PLCL2: variants seen among roughly 807,000 people sequenced by gnomAD.
The protein encoded by PLCL2 is inactive phospholipase C-like protein 2.
A neutral mutation model predicts 79.6 loss-of-function variants in PLCL2; 4 were observed. The observed-to-expected ratio is 0.05, with a 90% confidence interval of 0.02 to 0.11. PLCL2 has a LOEUF of 0.11. Among genes scored for constraint, PLCL2 ranks in the 10% least tolerant of loss-of-function variants. The pLI is 1.00. For missense variants in PLCL2, 895 were observed against 1,291.0 expected (o/e 0.69, Z 4.70); for synonymous variants, 484 against 457.7 (o/e 1.06, Z -0.73).
At chr3:16,953,485 T>C (rs2063671449) in intron 1 of PLCL2, among the ~76,000 whole-genome samples, 1 of 152,150 alleles carries the variant, frequency 6.6e-6, no homozygotes, top group Admixed American at 6.5e-5. Flanking sequence ...GCATGTAAAA[T>C]AGATAGGATC....
chr3:16,987,529 C>T (rs1397455521), intron 1 of PLCL2, among the ~76,000 whole-genome samples: 1 of 152,076 alleles, frequency 6.6e-6, no homozygotes, highest in East Asian at 1.9e-4. Context: ...CTGAAAAATA[C>T]GTGACATTTA....
intron 1 of PLCL2, among the ~76,000 whole-genome samples, chr3:16,997,000 A>T (rs1446954871): frequency 6.6e-6 from 1 of 152,240 alleles, no homozygotes; most frequent in African/African-American, 2.4e-5. Context: ...TATAAAAGTT[A>T]TATGATCTGT....
intron 4 of PLCL2, among the ~76,000 whole-genome samples, chr3:17,057,388 A>T (rs2064902381): frequency 6.6e-6 from 1 of 152,130 alleles, no homozygotes; most frequent in African/African-American, 2.4e-5. Flanking sequence ...TTTAGGACTC[A>T]CTCGGGGACT....
At chr3:17,029,846 C>T (rs79911516) in intron 3 of PLCL2, among the ~76,000 whole-genome samples, 4,334 of 152,240 alleles carry the variant, frequency 0.028, 225 homozygotes, top group African/African-American at 0.1. Flanking sequence ...CTTGGGAAAT[C>T]CTTGTCTTCA....
intron 5 of PLCL2, among the ~76,000 whole-genome samples, chr3:17,078,237 A>G (rs2065126884): frequency 6.6e-6 from 1 of 152,234 alleles, no homozygotes; most frequent in Admixed American, 6.5e-5. Context: ...CTATTGCTGT[A>G]TAACAAACCA....
chr3:17,018,832 A>G (rs2064414012), intron 3 of PLCL2, among the ~76,000 whole-genome samples: 1 of 152,218 alleles, frequency 6.6e-6, no homozygotes, highest in Non-Finnish European at 1.5e-5. Flanking sequence ...AGCTCTTAGC[A>G]CGTGCACTGC....
rs575381702 is a variant in PLCL2, at chr3:16,887,762, C to T, written c.327+2396C>T. Among the ~76,000 whole-genome samples, 1 of 151,746 alleles carries T rather than the reference C, an allele frequency of 6.6e-6. No individual in the cohort carries two copies. Among genetic ancestry groups the T allele is most frequent in the African/African-American group, 2.4e-5 (1 of 41,324 alleles). ...ACAAATACTGCACAGATAGTTTTGT[C>T]ATGTGAATGGCAGAAATTATGTTTC... On this transcript the variant is annotated intron_variant, in intron 1 of 5. Transcript: ENST00000615277. The surrounding 1 kb of genome is among the most constrained non-coding windows in gnomAD (Gnocchi z 4.1).
chr3:17,016,153 T>C (rs2064381021), intron 3 of PLCL2, among the ~76,000 whole-genome samples: 1 of 152,246 alleles, frequency 6.6e-6, no homozygotes, highest in Admixed American at 6.5e-5. Context: ...GTTTCACAAA[T>C]TGACTTGACC....
At chr3:17,024,629 A>G (rs2064494712) in intron 3 of PLCL2, among the ~76,000 whole-genome samples, 1 of 152,218 alleles carries the variant, frequency 6.6e-6, no homozygotes, top group Non-Finnish European at 1.5e-5. Context: ...CAAAGAGCTT[A>G]ATTGGCTTTC....
intron 1 of PLCL2, among the ~76,000 whole-genome samples, chr3:16,892,437 A>G (rs1056571742): frequency 1.1e-5 from 1 of 88,680 alleles, no homozygotes; most frequent in Non-Finnish European, 2.7e-5. Context: ...AAGGGATTTA[A>G]TCTGTTTTTT....
At chr3:16,951,226 A>T (rs1048310262) in intron 1 of PLCL2, among the ~76,000 whole-genome samples, 26 of 152,106 alleles carry the variant, frequency 1.7e-4, no homozygotes, top group Non-Finnish European at 3.8e-4. Flanking sequence ...TTTAAGAGGT[A>T]GATCTTTGAG....
intron 3 of PLCL2, among the ~76,000 whole-genome samples, chr3:17,015,751 T>C (rs1032354481): frequency 5.3e-5 from 8 of 152,230 alleles, no homozygotes; most frequent in African/African-American, 1.7e-4. Context: ...CACGAAACTC[T>C]AGGTTTCTTC....
chr3:17,042,217 G>A (rs6762816), intron 3 of PLCL2, among the ~76,000 whole-genome samples: 86,313 of 151,890 alleles, frequency 0.57, 24,738 homozygotes, highest in South Asian at 0.65. Flanking sequence ...CTAGCTTTTT[G>A]GTGAGTAAAA....
chr3:17,019,704 A>C (rs550566026), intron 3 of PLCL2, among the ~76,000 whole-genome samples: 2 of 152,256 alleles, frequency 1.3e-5, no homozygotes, highest in African/African-American at 4.8e-5. Context: ...CACTTAAAAT[A>C]AAGAAAACTG....
At chr3:17,017,971 T>G (rs1054201029) in intron 3 of PLCL2, among the ~76,000 whole-genome samples, 1 of 152,182 alleles carries the variant, frequency 6.6e-6, no homozygotes, top group Admixed American at 6.5e-5. Flanking sequence ...GGACTTGTGG[T>G]GCTCTCGTGG....
At chr3:17,041,067 G>T (rs2064716182) in intron 3 of PLCL2, among the ~76,000 whole-genome samples, 1 of 152,120 alleles carries the variant, frequency 6.6e-6, no homozygotes, top group Non-Finnish European at 1.5e-5. Flanking sequence ...AGCTGAAAAA[G>T]GTTACTGATG....
chr3:16,935,518 G>T (rs1465922921), intron 1 of PLCL2, among the ~76,000 whole-genome samples: 1 of 151,896 alleles, frequency 6.6e-6, no homozygotes, highest in East Asian at 1.9e-4. Flanking sequence ...TTACCTTCGG[G>T]TCTTTAATTC....
At chr3:17,089,638 A>C in intron 5 of PLCL2, 95 bp from the exon 6 acceptor site, 3 of 750,748 alleles carry the variant, frequency 4.0e-6, no homozygotes, top group Non-Finnish European at 6.6e-6. Flanking sequence ...TTGTGGAATC[A>C]GAATACTTCT....
chr3:16,987,134 G>A (rs890674039), intron 1 of PLCL2, among the ~76,000 whole-genome samples: 14 of 151,772 alleles, frequency 9.2e-5, no homozygotes, highest in Admixed American at 9.2e-4. Context: ...CTTGTGTAAC[G>A]GAAGAGGAAA....
Sources: allele counts gnomAD v4.1 joint callset (sites outside exome capture counted in the v4.1 genomes callset), GRCh38; gene constraint gnomAD v4.1.1; non-coding constraint Gnocchi (gnomAD v3.1); transcripts MANE v1.5; gene names NCBI Gene and HGNC (gene_info 2026-07-23, HGNC 2026-07-21).